CSMD1: variants seen among roughly 807,000 people sequenced by gnomAD.
CSMD1 encodes CUB and sushi domain-containing protein 1.
Under a neutral mutation model 417.5 loss-of-function variants are expected in CSMD1, and 213 were observed. The ratio of observed to expected loss-of-function variants is 0.51; its 90% CI spans 0.46 to 0.57. The LOEUF is 0.57. CSMD1 is among the 20% of genes least tolerant of loss of function. The probability of loss-of-function intolerance (pLI) is 0.00; values close to 1 mark genes in which losing one functional copy is unlikely to be tolerated. For missense variants in CSMD1, 6,923 were observed against 4,529.7 expected, an observed-to-expected ratio of 1.53 and a Z score of -15.17; for synonymous variants, 2,862 against 1,736.8, an observed-to-expected ratio of 1.65 and a Z score of -16.11.
chr8:3,652,780 G>A (rs575282168), intron 7 of CSMD1, among the ~76,000 whole-genome samples: 3 of 152,096 alleles, frequency 2.0e-5, no homozygotes, highest in Admixed American at 6.5e-5. Flanking sequence ...TGGGAAAACA[G>A]CCCAAACATA....
chr8:4,065,623 G>A (rs1467182383), intron 3 of CSMD1, among the ~76,000 whole-genome samples: 2 of 152,072 alleles, frequency 1.3e-5, no homozygotes, highest in East Asian at 3.9e-4. Flanking sequence ...CATGAATGAA[G>A]CTCATGCACC....
intron 1 of CSMD1, among the ~76,000 whole-genome samples, chr8:4,912,449 G>C (rs1308554561): frequency 6.6e-6 from 1 of 151,926 alleles, no homozygotes; most frequent in Non-Finnish European, 1.5e-5. Context: ...AGGATTGAAG[G>C]TGAAAACGGG....
At position 4,547,333 on chromosome 8, in the gene CSMD1, C is replaced by T. The variant is rs183457806; in HGVS notation, c.302+90009G>A. On this transcript the variant is annotated intron_variant, in intron 2 of 69. Transcript: ENST00000635120. The stretch of plus-strand genomic sequence containing the variant: ...CTTGAATTTTCCAATCAATTTTCCA[C>T]GTTGCCACAGCAGTGAACTTTCTAA... 7.7e-4 allele frequency among the ~76,000 whole-genome samples: 117 copies of T among 152,316 alleles called. 1 individual carries two copies. Among genetic ancestry groups the T allele is most frequent in the African/African-American group, 2.5e-3 (105 of 41,552 alleles).
intron 26 of CSMD1, among the ~76,000 whole-genome samples, chr8:3,236,672 C>G (rs779389449): frequency 6.6e-6 from 1 of 152,336 alleles, no homozygotes; most frequent in South Asian, 2.1e-4. Flanking sequence ...AGCACGCTGT[C>G]ATTCCTCTTC....
intron 5 of CSMD1, among the ~76,000 whole-genome samples, chr8:3,946,621 T>A (rs1286652875): frequency 6.6e-6 from 1 of 152,152 alleles, no homozygotes; most frequent in Non-Finnish European, 1.5e-5. Context: ...ATTGTGTTGA[T>A]CCTACAGACC....
intron 5 of CSMD1, among the ~76,000 whole-genome samples, chr8:3,994,228 G>C (rs760602970): frequency 2.0e-5 from 3 of 149,426 alleles, no homozygotes; most frequent in African/African-American, 7.3e-5. Flanking sequence ...TGTCACAGAA[G>C]GGTATGGAAG....
At chr8:3,984,272 G>A (rs929462720) in intron 5 of CSMD1, among the ~76,000 whole-genome samples, 1 of 152,178 alleles carries the variant, frequency 6.6e-6, no homozygotes, top group Non-Finnish European at 1.5e-5. Context: ...ATGTCACATT[G>A]ATGTCCCCAA....
chr8:4,856,717 T>C (rs1251180036), intron 1 of CSMD1, among the ~76,000 whole-genome samples: 20 of 149,324 alleles, frequency 1.3e-4, no homozygotes, highest in African/African-American at 5.0e-4. Context: ...AAGAGCTAAC[T>C]ATCCTAAATA....
At chr8:3,503,939 G>C (rs1387006059) in intron 10 of CSMD1, among the ~76,000 whole-genome samples, 8 of 151,928 alleles carry the variant, frequency 5.3e-5, no homozygotes, top group Non-Finnish European at 2.9e-5. Flanking sequence ...AGAATATGGA[G>C]GCGGGGGTTA....
chr8:4,542,324 A>G lies in CSMD1; in HGVS notation c.302+95018T>C, dbSNP rs190890946. 5.2e-4 allele frequency among the ~76,000 whole-genome samples: 79 copies of G among 152,104 alleles called. No individual in the cohort carries two copies. The East Asian group carries it at 0.011, about 21-fold the overall frequency. ...ATGTTAATATAAATTGTCGTTCTCC[A>G]TAACAGAAAATAAAAGATACAAACT... is the stretch of plus-strand genomic sequence containing the variant. On this transcript the variant is annotated intron_variant, in intron 2 of 69. Coordinates refer to ENST00000635120, the MANE Select transcript of CSMD1 (RefSeq NM_033225.6).
intron 2 of CSMD1, among the ~76,000 whole-genome samples, chr8:4,625,552 G>A (rs374493974): frequency 1.3e-5 from 2 of 151,858 alleles, no homozygotes; most frequent in African/African-American, 4.8e-5. Flanking sequence ...TCCAAAGTAG[G>A]ACTTCCCTGC....
chr8:4,715,567 A>T (rs1033248814), intron 1 of CSMD1, among the ~76,000 whole-genome samples: 2 of 152,118 alleles, frequency 1.3e-5, no homozygotes, highest in Non-Finnish European at 2.9e-5. Context: ...TCCACCCTGA[A>T]CTTCTCTGCG....
At position 4,825,220 on chromosome 8, in the gene CSMD1, G is replaced by A. The variant is rs1318566264; in HGVS notation, c.85+169112C>T. Among the ~76,000 whole-genome samples, 6 of 152,134 alleles carry A rather than the reference G, an allele frequency of 3.9e-5. No individual in the cohort carries two copies. The East Asian group carries it at 1.2e-3, about 29-fold the overall frequency. ...GTAATCAATATTCAAAATACTGCAC[G>A]TTTAATATACATACTTGGAGGCATT... is the stretch of plus-strand genomic sequence containing the variant. On this transcript the variant is annotated intron_variant, in intron 1 of 69. Transcript: ENST00000635120.
At chr8:3,289,552 T>C (rs1263675038) in intron 25 of CSMD1, among the ~76,000 whole-genome samples, 6 of 141,260 alleles carry the variant, frequency 4.2e-5, no homozygotes, top group African/African-American at 1.7e-4. Context: ...ATTGTGGTTT[T>C]GATTTGCATT....
chr8:3,929,314 C>G (rs543095896), intron 5 of CSMD1, among the ~76,000 whole-genome samples: 1 of 150,630 alleles, frequency 6.6e-6, no homozygotes, highest in East Asian at 2.0e-4. Context: ...ATTAAAAACT[C>G]ATCTTCCAGG....
chr8:3,942,911 T>A (rs1158608134), intron 5 of CSMD1, among the ~76,000 whole-genome samples: 2 of 152,172 alleles, frequency 1.3e-5, no homozygotes, highest in African/African-American at 4.8e-5. Context: ...ATACTTTTTT[T>A]TGTCTTTTAA....
intron 54 of CSMD1, among the ~76,000 whole-genome samples, chr8:2,990,263 T>G (rs907016368): frequency 6.6e-6 from 1 of 152,218 alleles, no homozygotes; most frequent in African/African-American, 2.4e-5. Context: ...CCGGTCCTCA[T>G]AGTTTCTTGT....
intron 2 of CSMD1, among the ~76,000 whole-genome samples, chr8:4,627,968 G>C (rs575056225): frequency 1.0e-4 from 15 of 149,990 alleles, no homozygotes; most frequent in Admixed American, 2.7e-4. Flanking sequence ...CAGATTCTAA[G>C]AGCAACTATC....
At chr8:3,645,244 C>T (rs1797518720) in intron 7 of CSMD1, among the ~76,000 whole-genome samples, 1 of 152,180 alleles carries the variant, frequency 6.6e-6, no homozygotes, top group Non-Finnish European at 1.5e-5. Flanking sequence ...CTAGACCAAC[C>T]ATGCAGTAAG....
Sources: gnomAD v4.1 joint callset for allele counts (sites outside exome capture counted in the v4.1 genomes callset) on GRCh38, gnomAD v4.1.1 for gene constraint, MANE v1.5 for transcripts, NCBI Gene and HGNC (gene_info 2026-07-23, HGNC 2026-07-21) for gene names.